The following TAF3 variants were observed in gnomAD, a reference collection of about 807,000 sequenced individuals.
TAF3 encodes the protein TATA-box binding protein associated factor 3, also known as transcription initiation factor TFIID subunit 3.
In TAF3, 7 loss-of-function variants were observed where a neutral mutation model predicts 80.6. The observed-to-expected ratio is 0.09, with a 90% CI of 0.05 to 0.16. The LOEUF is 0.16. Ranked by LOEUF, TAF3 falls within the 10% of genes least tolerant of loss-of-function variation. The probability of loss-of-function intolerance (pLI) is 1.00; values close to 1 mark genes in which losing one functional copy is unlikely to be tolerated. For synonymous variants in TAF3, 444 were observed against 446.1 expected (o/e 1.00, Z 0.06); for missense variants, 921 against 1,140.2 (o/e 0.81, Z 2.77).
chr10:7,983,267 T>A (rs1831744085), intron 4 of TAF3, among the ~76,000 whole-genome samples: 1 of 152,204 alleles, frequency 6.6e-6, no homozygotes. Context: ...GAGGCTGCCC[T>A]GTCAGAAGGG....
intron 2 of TAF3, among the ~76,000 whole-genome samples, chr10:7,889,256 C>G (rs974791697): frequency 1.8e-4 from 28 of 152,150 alleles, no homozygotes; most frequent in African/African-American, 6.8e-4. Context: ...TGATTCTCTT[C>G]TCACTCTCCA....
At chr10:7,974,061 T>C (rs956895203) in intron 3 of TAF3, among the ~76,000 whole-genome samples, 3 of 151,848 alleles carry the variant, frequency 2.0e-5, no homozygotes, top group African/African-American at 7.3e-5. Flanking sequence ...CCAGGAGGTG[T>C]AGGTTGTGGT....
intron 2 of TAF3, among the ~76,000 whole-genome samples, chr10:7,932,864 G>A (rs1374098247): frequency 1.3e-5 from 2 of 151,578 alleles, no homozygotes; most frequent in Non-Finnish European, 2.9e-5. Context: ...TTTTTTGTGT[G>A]GACGGGGATC....
chr10:7,825,805 G>A (rs976963601), intron 2 of TAF3, among the ~76,000 whole-genome samples: 1 of 152,088 alleles, frequency 6.6e-6, no homozygotes, highest in African/African-American at 2.4e-5. Flanking sequence ...TATGAACATC[G>A]ATGTGCAAAT....
chr10:7,934,609 T>C (rs1837899132), intron 2 of TAF3, among the ~76,000 whole-genome samples: 1 of 152,092 alleles, frequency 6.6e-6, no homozygotes. Context: ...CACGCCTGGC[T>C]AATTTTTGTA....
At chr10:7,846,431 G>T (rs996697882) in intron 2 of TAF3, among the ~76,000 whole-genome samples, 1 of 151,850 alleles carries the variant, frequency 6.6e-6, no homozygotes, top group Admixed American at 6.6e-5. Flanking sequence ...AGTTCTTCTG[G>T]TACCAACATT....
intron 4 of TAF3, among the ~76,000 whole-genome samples, chr10:7,999,254 G>GC (rs1413241767): frequency 2.6e-5 from 4 of 152,080 alleles, no homozygotes; most frequent in African/African-American, 9.7e-5. Context: ...GTTTAATACT[G>GC]CAAGTAATCC....
intron 4 of TAF3, among the ~76,000 whole-genome samples, chr10:7,992,007 T>G (rs1831840678): frequency 6.6e-6 from 1 of 152,336 alleles, no homozygotes; most frequent in South Asian, 2.1e-4. Flanking sequence ...GGTGTATCTT[T>G]TATGGCTAAC....
rs180783331 is a variant in TAF3 at position 7,924,806 on chromosome 10, C to A, written c.410-39114C>A. ...CATGAATTTTAAACTTAAAGAAAAA[C>A]CCCTAGTTCTCTGGTTGTCACATTT... On this transcript the variant is annotated intron_variant, in intron 2 of 6. Transcript: ENST00000344293. Among the ~76,000 whole-genome samples, 571 of 151,670 alleles carry A rather than the reference C, an allele frequency of 3.8e-3. 3 individuals carry two copies. The highest frequency in any genetic ancestry group is 0.012 in the African/African-American group (514 of 41,346).
chr10:8,003,783 C>T (rs535457285), intron 4 of TAF3, among the ~76,000 whole-genome samples: 3 of 152,210 alleles, frequency 2.0e-5, no homozygotes, highest in African/African-American at 4.8e-5. Context: ...CAGTGGCATG[C>T]GCCTGTAATC....
intron 2 of TAF3, among the ~76,000 whole-genome samples, chr10:7,960,615 A>T (rs1838180579): frequency 6.6e-6 from 1 of 152,216 alleles, no homozygotes; most frequent in South Asian, 2.1e-4. Flanking sequence ...TGGGGATTGC[A>T]GATAAGTTAG....
intron 2 of TAF3, among the ~76,000 whole-genome samples, chr10:7,939,155 T>C (rs1837952883): frequency 6.6e-6 from 1 of 152,220 alleles, no homozygotes; most frequent in Non-Finnish European, 1.5e-5. Flanking sequence ...TGCATGTTTG[T>C]TTATTAGCAA....
At chr10:7,994,056 C>T (rs1465154249) in intron 4 of TAF3, among the ~76,000 whole-genome samples, 1 of 145,952 alleles carries the variant, frequency 6.9e-6, no homozygotes, top group Non-Finnish European at 1.5e-5. Context: ...CTCCCCCTAC[C>T]CCTTCTTCTC....
intron 2 of TAF3, among the ~76,000 whole-genome samples, chr10:7,908,340 G>A (rs1837624749): frequency 6.6e-6 from 1 of 152,118 alleles, no homozygotes; most frequent in Admixed American, 6.5e-5. Flanking sequence ...CAAGCCCTAT[G>A]TTGCCAGGTT....
rs759576436 is a variant in TAF3, at chr10:7,913,039, C to T, written c.410-50881C>T. Reference sequence around the variant, plus strand: ...TGGTTTCCCCTGAGACCTCTTTCCTCGGCTTGCAGGTGGGCGCCTCACGCA... The same window carrying T: ...TGGTTTCCCCTGAGACCTCTTTCCTTGGCTTGCAGGTGGGCGCCTCACGCA... On this transcript the variant is annotated intron_variant, in intron 2 of 6. Coordinates refer to ENST00000344293, the MANE Select transcript of TAF3 (RefSeq NM_031923.4). Among the ~76,000 whole-genome samples, 4 of 152,154 alleles carry T rather than the reference C, an allele frequency of 2.6e-5. No individual in the cohort carries two copies. The South Asian group carries it at 6.2e-4, about 24-fold the overall frequency.
intron 2 of TAF3, among the ~76,000 whole-genome samples, chr10:7,843,215 C>T (rs978995354): frequency 6.6e-6 from 1 of 152,080 alleles, no homozygotes; most frequent in Non-Finnish European, 1.5e-5. Context: ...TCAAGCAATC[C>T]TCCCACCTCA....
chr10:7,865,477 TCAAA>T (rs373125256), intron 2 of TAF3, among the ~76,000 whole-genome samples: 297 of 147,292 alleles, frequency 2.0e-3, no homozygotes, highest in African/African-American at 2.9e-3. Context: ...AGACTCCGTC[TCAAA>T]CAAACAAACA....
chr10:7,878,007 A>G (rs1432130359), intron 2 of TAF3, among the ~76,000 whole-genome samples: 3 of 152,220 alleles, frequency 2.0e-5, no homozygotes, highest in Non-Finnish European at 2.9e-5. Context: ...GCAACTTGGC[A>G]TTTATTCAGT....
At chr10:7,864,991 C>T (rs984606726) in intron 2 of TAF3, among the ~76,000 whole-genome samples, 4 of 152,084 alleles carry the variant, frequency 2.6e-5, no homozygotes, top group Admixed American at 2.6e-4. Flanking sequence ...AGGATCCCTG[C>T]ACCATTTGTT....
Sources: gnomAD v4.1 joint callset for allele counts (sites outside exome capture counted in the v4.1 genomes callset) on GRCh38, gnomAD v4.1.1 for gene constraint, MANE v1.5 for transcripts, NCBI Gene and HGNC (gene_info 2026-07-23, HGNC 2026-07-21) for gene names.